The following RAD51B variants were observed in gnomAD, a reference collection of about 807,000 sequenced individuals.
The protein encoded by RAD51B is DNA repair protein RAD51 homolog 2.
A neutral mutation model predicts 42.2 loss-of-function variants in RAD51B; 38 were observed. The ratio of observed to expected loss-of-function variants is 0.90; its 90% confidence interval spans 0.70 to 1.18. The LOEUF (loss-of-function observed/expected upper bound fraction) is 1.18. RAD51B is among the 50% of genes most tolerant of loss of function. The probability of loss-of-function intolerance (pLI) is 0.00; values close to 1 mark genes in which losing one functional copy is unlikely to be tolerated. For missense variants in RAD51B, 373 were observed against 400.7 expected (o/e 0.93, Z 0.59); for synonymous variants, 154 against 145.2 (o/e 1.06, Z -0.43).
intron 10 of RAD51B, among the ~76,000 whole-genome samples, chr14:68,509,267 G>A (rs1004919735): frequency 2.0e-5 from 3 of 152,224 alleles, no homozygotes; most frequent in African/African-American, 7.2e-5. Flanking sequence ...TCAAGTGGTC[G>A]TGTGGCACAC....
chr14:67,960,027 A>G (rs1020666776), intron 7 of RAD51B, among the ~76,000 whole-genome samples: 4 of 151,930 alleles, frequency 2.6e-5, no homozygotes, highest in African/African-American at 9.7e-5. Flanking sequence ...GGAGGTTGCA[A>G]TGAGCTGAGA....
intron 7 of RAD51B, among the ~76,000 whole-genome samples, chr14:68,219,453 A>G (rs960802147): frequency 1.3e-5 from 2 of 152,080 alleles, no homozygotes; most frequent in Non-Finnish European, 2.9e-5. Context: ...ACTCCCTGCT[A>G]CCTCCACTGG....
chr14:67,895,724 T>C (rs969957013), intron 7 of RAD51B, among the ~76,000 whole-genome samples: 2 of 152,212 alleles, frequency 1.3e-5, no homozygotes, highest in Non-Finnish European at 1.5e-5. Flanking sequence ...GGATATGATA[T>C]AATATTTAAA....
At chr14:68,386,783 G>A (rs1346917338) in intron 8 of RAD51B, among the ~76,000 whole-genome samples, 1 of 152,178 alleles carries the variant, frequency 6.6e-6, no homozygotes. Flanking sequence ...CAGAGGGAAG[G>A]TGATTGTTTC....
At chr14:68,112,349 CCTT>C (rs2077472991) in intron 7 of RAD51B, among the ~76,000 whole-genome samples, 1 of 152,000 alleles carries the variant, frequency 6.6e-6, no homozygotes. Flanking sequence ...CCCCTCCACA[CCTT>C]CTTTATTTTC....
intron 8 of RAD51B, among the ~76,000 whole-genome samples, chr14:68,300,455 C>T (rs2081704923): frequency 6.6e-6 from 1 of 152,144 alleles, no homozygotes; most frequent in Non-Finnish European, 1.5e-5. Context: ...AGCAATCCTC[C>T]TGCCTCTACC....
At chr14:67,922,358 A>G (rs2044353404) in intron 7 of RAD51B, among the ~76,000 whole-genome samples, 1 of 152,158 alleles carries the variant, frequency 6.6e-6, no homozygotes, top group Admixed American at 6.5e-5. Flanking sequence ...CTGATTCTGG[A>G]AAAAGTGGAA....
intron 7 of RAD51B, among the ~76,000 whole-genome samples, chr14:67,918,631 G>C (rs2044231464): frequency 6.6e-6 from 1 of 152,090 alleles, no homozygotes; most frequent in African/African-American, 2.4e-5. Flanking sequence ...ATTAATGAGG[G>C]GGAAAAAGAC....
At chr14:68,168,365 C>T (rs954829053) in intron 7 of RAD51B, among the ~76,000 whole-genome samples, 4 of 151,996 alleles carry the variant, frequency 2.6e-5, no homozygotes, top group Admixed American at 6.6e-5. Context: ...AGTTTTTGCC[C>T]ATATACATAT....
intron 9 of RAD51B, among the ~76,000 whole-genome samples, chr14:68,447,263 A>G (rs1303316030): frequency 2.0e-5 from 3 of 152,186 alleles, no homozygotes; most frequent in Non-Finnish European, 4.4e-5. Flanking sequence ...CCTCATAGTT[A>G]CATACAAATG....
chr14:68,271,829 A>G (rs1213660087), intron 7 of RAD51B, among the ~76,000 whole-genome samples: 1 of 152,252 alleles, frequency 6.6e-6, no homozygotes, highest in Non-Finnish European at 1.5e-5. Context: ...TTTATTGCTC[A>G]CACATCATAG....
chr14:67,873,833 C>G (rs1188963766), intron 5 of RAD51B, among the ~76,000 whole-genome samples: 1 of 145,076 alleles, frequency 6.9e-6, no homozygotes, highest in East Asian at 2.0e-4. Flanking sequence ...TAAACTATCA[C>G]AAGAACAAAA....
chr14:68,304,722 C>G (rs1461715122), intron 8 of RAD51B, among the ~76,000 whole-genome samples: 2 of 152,184 alleles, frequency 1.3e-5, no homozygotes, highest in Non-Finnish European at 2.9e-5. Context: ...ACTTAACTTC[C>G]CTGGACCTCA....
intron 8 of RAD51B, among the ~76,000 whole-genome samples, chr14:68,393,467 CT>C (rs1379547458): frequency 4.6e-5 from 7 of 152,222 alleles, no homozygotes; most frequent in Admixed American, 4.6e-4. Flanking sequence ...CTTCTATCCC[CT>C]GGGGTAATTT....
chr14:68,114,750 T>C (rs1437891041), intron 7 of RAD51B, among the ~76,000 whole-genome samples: 1 of 152,192 alleles, frequency 6.6e-6, no homozygotes, highest in African/African-American at 2.4e-5. Context: ...CCAGAGATAA[T>C]TAATTTCATA....
intron 7 of RAD51B, among the ~76,000 whole-genome samples, chr14:68,227,315 A>G (rs926005451): frequency 6.6e-6 from 1 of 152,084 alleles, no homozygotes; most frequent in African/African-American, 2.4e-5. Flanking sequence ...AACTCCCACA[A>G]CTGCACCCCT....
At chr14:68,027,503 G>A (rs911617074) in intron 7 of RAD51B, among the ~76,000 whole-genome samples, 6 of 151,648 alleles carry the variant, frequency 4.0e-5, no homozygotes, top group African/African-American at 9.7e-5. Context: ...CTTTACATGC[G>A]CTCATATTTC....
chr14:67,831,058 G>A (rs1049699289), intron 3 of RAD51B, among the ~76,000 whole-genome samples: 1 of 132,176 alleles, frequency 7.6e-6, no homozygotes, highest in Non-Finnish European at 1.7e-5. Flanking sequence ...TATATTTTTA[G>A]TAGAGACGGT....
intron 7 of RAD51B, among the ~76,000 whole-genome samples, chr14:68,219,832 G>A (rs767003290): frequency 7.9e-5 from 12 of 152,094 alleles, no homozygotes; most frequent in Non-Finnish European, 1.8e-4. Flanking sequence ...TCAAACCAAG[G>A]TGAAATCTCT....
Sources: gnomAD v4.1 joint callset for allele counts (sites outside exome capture counted in the v4.1 genomes callset) on GRCh38, gnomAD v4.1.1 for gene constraint, MANE v1.5 for transcripts, NCBI Gene and HGNC (gene_info 2026-07-23, HGNC 2026-07-21) for gene names.